Variants in SLC24A2 observed in about 807,000 individuals in gnomAD.
The protein encoded by SLC24A2 is sodium/potassium/calcium exchanger 2.
SLC24A2 carries 36 observed loss-of-function variants against 62.0 expected under a neutral mutation model. That is an observed-to-expected ratio of 0.58 (90% CI 0.44 to 0.77). The LOEUF is 0.77. Among genes scored for constraint, SLC24A2 ranks in the 30% least tolerant of loss-of-function variants. The pLI, the probability that SLC24A2 is intolerant of heterozygous loss-of-function variation, is 0.00. For synonymous variants in SLC24A2, 358 were observed against 294.0 expected (o/e 1.22, Z -2.23); for missense variants, 846 against 817.9 (o/e 1.03, Z -0.42).
chr9:19,658,870 C>T (rs1471348803), intron 2 of SLC24A2, among the ~76,000 whole-genome samples: 1 of 152,222 alleles, frequency 6.6e-6, no homozygotes, highest in Non-Finnish European at 1.5e-5. Context: ...CCCGTTTCTA[C>T]AGCCACAGGT....
At chr9:20,185,394 C>T in the SLC24A2 span, among the ~76,000 whole-genome samples, 19 of 151,906 alleles carry the variant, frequency 1.3e-4, no homozygotes, top group Middle Eastern at 3.4e-3. Context: ...GGCCAGGCAT[C>T]GCGGCTCACG....
At chr9:20,273,129 C>T in the SLC24A2 span, among the ~76,000 whole-genome samples, 1 of 152,220 alleles carries the variant, frequency 6.6e-6, no homozygotes, top group African/African-American at 2.4e-5. Context: ...AACCATGATG[C>T]TTGTCCCTGA....
At chr9:20,042,039 C>A in the SLC24A2 span, among the ~76,000 whole-genome samples, 1 of 152,214 alleles carries the variant, frequency 6.6e-6, no homozygotes, top group Non-Finnish European at 1.5e-5. Context: ...AGCCTGTCAT[C>A]TTGTGGTGGG....
At chr9:19,980,014 C>A in the SLC24A2 span, among the ~76,000 whole-genome samples, 2 of 152,152 alleles carry the variant, frequency 1.3e-5, no homozygotes, top group African/African-American at 2.4e-5. Flanking sequence ...AACTCACTGC[C>A]TAGCAGAGAA....
the SLC24A2 span, among the ~76,000 whole-genome samples, chr9:20,193,297 T>C: frequency 1.3e-5 from 2 of 152,152 alleles, no homozygotes; most frequent in Non-Finnish European, 2.9e-5. Context: ...CTTGAAATTT[T>C]ATTATTTATT....
At chr9:20,126,213 GT>G in the SLC24A2 span, among the ~76,000 whole-genome samples, 1 of 152,126 alleles carries the variant, frequency 6.6e-6, no homozygotes, top group East Asian at 1.9e-4. Context: ...GCTAGTATGT[GT>G]GAAAACATAT....
At chr9:19,913,701 AC>A in the SLC24A2 span, among the ~76,000 whole-genome samples, 3 of 152,022 alleles carry the variant, frequency 2.0e-5, no homozygotes, top group African/African-American at 7.2e-5. Context: ...CAATTTGAAA[AC>A]CTACTTTATG....
the SLC24A2 span, among the ~76,000 whole-genome samples, chr9:20,020,850 C>G: frequency 3.3e-5 from 5 of 152,158 alleles, no homozygotes; most frequent in African/African-American, 1.2e-4. Flanking sequence ...TTAGGAAAGT[C>G]AAAGGAAAAC....
At chr9:20,274,277 T>A in the SLC24A2 span, among the ~76,000 whole-genome samples, 1 of 152,142 alleles carries the variant, frequency 6.6e-6, no homozygotes, top group Non-Finnish European at 1.5e-5. Flanking sequence ...GGGCCTGCTC[T>A]TCTACATAGA....
the SLC24A2 span, among the ~76,000 whole-genome samples, chr9:20,282,703 T>C: frequency 6.6e-6 from 1 of 152,216 alleles, no homozygotes; most frequent in Admixed American, 6.5e-5. Flanking sequence ...TTTATAGATA[T>C]ACATTGATTT....
At chr9:20,004,347 G>A in the SLC24A2 span, among the ~76,000 whole-genome samples, 2 of 152,208 alleles carry the variant, frequency 1.3e-5, no homozygotes, top group East Asian at 3.8e-4. Flanking sequence ...TGTTGGTCAG[G>A]CTTTTCCAGG....
At chr9:20,119,777 G>C in the SLC24A2 span, among the ~76,000 whole-genome samples, 1 of 152,152 alleles carries the variant, frequency 6.6e-6, no homozygotes, top group Non-Finnish European at 1.5e-5. Flanking sequence ...AATCAAAAAA[G>C]TAATAGTCAT....
chr9:20,036,524 C>T, the SLC24A2 span, among the ~76,000 whole-genome samples: 1 of 152,188 alleles, frequency 6.6e-6, no homozygotes, highest in African/African-American at 2.4e-5. Flanking sequence ...AACTACCATT[C>T]TGTTCTCTGC....
chr9:19,907,801 A>C, the SLC24A2 span, among the ~76,000 whole-genome samples: 39 of 152,362 alleles, frequency 2.6e-4, no homozygotes, highest in African/African-American at 9.1e-4. Flanking sequence ...CTTTTCAAGG[A>C]AAACTACAAA....
At chr9:19,551,958 A>G (rs950394823) in intron 7 of SLC24A2, among the ~76,000 whole-genome samples, 2 of 152,198 alleles carry the variant, frequency 1.3e-5, no homozygotes, top group African/African-American at 2.4e-5. Flanking sequence ...TGCTTTGGGT[A>G]TATGTCCTTG....
In SLC24A2 at chr9:19,745,265, T is replaced by C. The variant is rs1045363404; in HGVS notation, c.930+40672A>G. Reference sequence around the variant, plus strand: ...ACTGTGCCATACTTCTTGTACAGCTTGCAGAACCATGAGCCAATTAAACCT... The same window carrying C: ...ACTGTGCCATACTTCTTGTACAGCTCGCAGAACCATGAGCCAATTAAACCT... On this transcript the variant is annotated intron_variant, in intron 2 of 10. Transcript: ENST00000341998. Among the ~76,000 whole-genome samples, 9 of 152,306 alleles carry C rather than the reference T, an allele frequency of 5.9e-5. No homozygotes were observed. In the South Asian group the frequency reaches 1.9e-3, roughly 32 times the overall value.
the SLC24A2 span, among the ~76,000 whole-genome samples, chr9:19,914,701 T>C: frequency 0.42 from 63,830 of 151,822 alleles, 13,826 homozygotes; most frequent in Middle Eastern, 0.62. Flanking sequence ...CCTTGCCTTG[T>C]TGTTAACAAA....
the SLC24A2 span, among the ~76,000 whole-genome samples, chr9:20,184,873 T>C: frequency 6.6e-6 from 1 of 152,118 alleles, no homozygotes; most frequent in African/African-American, 2.4e-5. Flanking sequence ...CACAGATGAA[T>C]GGATTAAAAA....
intron 2 of SLC24A2, among the ~76,000 whole-genome samples, chr9:19,653,381 A>G (rs1818853818): frequency 1.3e-5 from 2 of 152,134 alleles, no homozygotes; most frequent in African/African-American, 2.4e-5. Flanking sequence ...ACTCATTCAC[A>G]TATGTGTCTT....
Sources: gnomAD v4.1 joint callset for allele counts (sites outside exome capture counted in the v4.1 genomes callset) on GRCh38, gnomAD v4.1.1 for gene constraint, MANE v1.5 for transcripts, NCBI Gene and HGNC (gene_info 2026-07-23, HGNC 2026-07-21) for gene names.